Variants in PCDHA3 observed in about 807,000 individuals in gnomAD.
PCDHA3 encodes the protein protocadherin alpha-3.
A neutral mutation model predicts 62.2 loss-of-function variants in PCDHA3; 41 were observed. That is an observed-to-expected ratio of 0.66 (90% CI 0.51 to 0.86). The LOEUF is 0.86. PCDHA3 is among the 40% of genes least tolerant of loss of function. The probability of loss-of-function intolerance (pLI) is 0.00; values close to 1 mark genes in which losing one functional copy is unlikely to be tolerated. For missense variants in PCDHA3, 1,304 were observed against 1,241.2 expected (o/e 1.05, Z -0.76); for synonymous variants, 640 against 555.4 (o/e 1.15, Z -2.14).
chr5:140,993,939 T>C (rs1449633283), intron 3 of PCDHA3, among the ~76,000 whole-genome samples: 5 of 152,198 alleles, frequency 3.3e-5, no homozygotes, highest in Non-Finnish European at 7.3e-5. Context: ...ATATCCCCAT[T>C]GTTAAGTGAT....
At chr5:140,848,691 T>C in intron 1 of PCDHA3, 1 of 1,592,078 alleles carries the variant, frequency 6.3e-7, no homozygotes, top group South Asian at 1.1e-5. Context: ...CCTGTTCCAG[T>C]TGGATTCCAA....
At chr5:140,858,256 G>T in intron 1 of PCDHA3, 1 of 1,596,658 alleles carries the variant, frequency 6.3e-7, no homozygotes. Flanking sequence ...TGAAGCCCAC[G>T]CTGGTGTGCT....
intron 1 of PCDHA3, among the ~76,000 whole-genome samples, chr5:140,932,733 C>A (rs2088585680): frequency 1.3e-5 from 2 of 151,034 alleles, no homozygotes; most frequent in Admixed American, 6.6e-5. Context: ...TAATATAGAC[C>A]CTCAAATCAG....
At chr5:140,838,842 A>G (rs1775908349) in intron 1 of PCDHA3, among the ~76,000 whole-genome samples, 1 of 151,970 alleles carries the variant, frequency 6.6e-6, no homozygotes. Flanking sequence ...GGATCACTTA[A>G]GCCAGGGAGG....
chr5:140,927,277 G>T, intron 1 of PCDHA3: 1 of 1,614,016 alleles, frequency 6.2e-7, no homozygotes, highest in Non-Finnish European at 8.5e-7. Context: ...TGCCGGCGAC[G>T]TGCAGCTGCA....
intron 1 of PCDHA3, among the ~76,000 whole-genome samples, chr5:140,806,491 G>T (rs2149990954): frequency 6.6e-6 from 1 of 152,242 alleles, no homozygotes; most frequent in South Asian, 2.1e-4. Flanking sequence ...GCCCTGACAT[G>T]ACTCAAGGAA....
chr5:140,806,801 T>C (rs1201628500), intron 1 of PCDHA3: 1 of 209,258 alleles, frequency 4.8e-6, no homozygotes, highest in Non-Finnish European at 9.7e-6. Context: ...TTATTTCTAC[T>C]GAAGTAAAAG....
intron 1 of PCDHA3, chr5:140,823,598 A>T: frequency 6.2e-7 from 1 of 1,614,002 alleles, no homozygotes; most frequent in Non-Finnish European, 8.5e-7. Context: ...TGGCTTTCGT[A>T]TGAGCTGCAG....
chr5:140,906,962 C>T (rs1554192812), intron 1 of PCDHA3, among the ~76,000 whole-genome samples: 2 of 152,146 alleles, frequency 1.3e-5, no homozygotes, highest in South Asian at 4.1e-4. Context: ...TTAATGGAAT[C>T]GTGGTTGTGT....
At chr5:140,893,612 T>C (rs1455928353) in intron 1 of PCDHA3, among the ~76,000 whole-genome samples, 1 of 152,240 alleles carries the variant, frequency 6.6e-6, no homozygotes, top group Non-Finnish European at 1.5e-5. Flanking sequence ...CCTTCATTTC[T>C]GAAGTATAGC....
intron 1 of PCDHA3, chr5:140,882,379 G>A (rs782537158): frequency 1.9e-6 from 3 of 1,614,230 alleles, no homozygotes; most frequent in South Asian, 1.1e-5. Context: ...CCGTCCCCGA[G>A]GAAGCAAAAC....
chr5:140,977,640 G>A (rs2096769670), intron 1 of PCDHA3, among the ~76,000 whole-genome samples: 1 of 152,124 alleles, frequency 6.6e-6, no homozygotes, highest in South Asian at 2.1e-4. Flanking sequence ...CTTTTTCTGG[G>A]CCTTGACTTT....
At chr5:140,926,472 T>G in intron 1 of PCDHA3, 1 of 163,134 alleles carries the variant, frequency 6.1e-6, no homozygotes, top group East Asian at 1.8e-4. Context: ...AAAACACCGT[T>G]TAAGGAGAGA....
intron 1 of PCDHA3, chr5:140,927,514 G>T: frequency 6.2e-7 from 1 of 1,614,056 alleles, no homozygotes; most frequent in Non-Finnish European, 8.5e-7. Flanking sequence ...AGCTCGGGAC[G>T]GCGGGCTACC....
chr5:140,855,923 A>C (rs1424860955), intron 1 of PCDHA3: 25 of 1,229,030 alleles, frequency 2.0e-5, no homozygotes, highest in Non-Finnish European at 2.7e-5. Context: ...ACTAGGAAGT[A>C]GCGTCATTCT....
At position 140,973,495 on chromosome 5, in the gene PCDHA3, T is replaced by TA. The variant is rs148545809; in HGVS notation, c.2395-5454_2395-5453insA. Among the ~76,000 whole-genome samples, 585 of 152,336 alleles carry TA rather than the reference T, an allele frequency of 3.8e-3. 2 individuals are homozygous for TA. Among genetic ancestry groups the TA allele is most frequent in the African/African-American group, 0.013 (553 of 41,574 alleles). ...AATTTCATATTGGTCACAGGACTCTTCTTCTGAGAAAAAGTTTATTTTCTT... is the reference window on the plus strand; with the variant it reads ...AATTTCATATTGGTCACAGGACTCTTACTTCTGAGAAAAAGTTTATTTTCTT... On this transcript the variant is annotated intron_variant, in intron 1 of 3. Coordinates refer to ENST00000522353, the MANE Select transcript of PCDHA3 (RefSeq NM_018906.3).
chr5:140,852,773 T>C, intron 1 of PCDHA3: 3 of 981,330 alleles, frequency 3.1e-6, no homozygotes, highest in East Asian at 1.1e-4. Context: ...GATTATTTGA[T>C]GTGAATAGAG....
chr5:140,927,068 C>T, intron 1 of PCDHA3: 1 of 1,611,218 alleles, frequency 6.2e-7, no homozygotes, highest in Non-Finnish European at 8.5e-7. Context: ...CGCTTCCTTT[C>T]CAGCCACCGC....
At position 140,849,878 on chromosome 5, in the gene PCDHA3, G is replaced by A. The variant is rs2150455933; in HGVS notation, c.2394+46287G>A. On this transcript the variant is annotated intron_variant, in intron 1 of 3. Transcript: ENST00000522353. ...CAGCGTTCGCGCAGTCCGAGTACACGGTGTTCGTGAAGGAGAACAACCCGC... is the reference window on the plus strand; with the variant it reads ...CAGCGTTCGCGCAGTCCGAGTACACAGTGTTCGTGAAGGAGAACAACCCGC... The A allele has an allele frequency of 1.1e-5, 17 of 1,598,602 alleles. 2 individuals are homozygous for A. The Middle Eastern group carries it at 5.1e-4, about 48-fold the overall frequency.
Sources: allele counts gnomAD v4.1 joint callset (sites outside exome capture counted in the v4.1 genomes callset), GRCh38; gene constraint gnomAD v4.1.1; transcripts MANE v1.5; gene names NCBI Gene and HGNC (gene_info 2026-07-23, HGNC 2026-07-21).